The following CCDC85A variants were observed in gnomAD, a reference collection of about 807,000 sequenced individuals.
The protein encoded by CCDC85A is coiled-coil domain containing 85A.
Under a neutral mutation model 50.2 loss-of-function variants are expected in CCDC85A, and 38 were observed. That is an observed-to-expected ratio of 0.76 (90% CI 0.58 to 0.99). The LOEUF (loss-of-function observed/expected upper bound fraction) is 0.99. CCDC85A is among the 50% of genes least tolerant of loss of function. CCDC85A has a pLI of 0.00. For missense variants in CCDC85A, 820 were observed against 742.0 expected, an observed-to-expected ratio of 1.11 and a Z score of -1.22; for synonymous variants, 366 against 301.4, an observed-to-expected ratio of 1.21 and a Z score of -2.22.
chr2:56,314,406 G>T (rs1672828567), intron 2 of CCDC85A, among the ~76,000 whole-genome samples: 1 of 151,968 alleles, frequency 6.6e-6, no homozygotes, highest in Admixed American at 6.6e-5. Flanking sequence ...TCTGTGGAAT[G>T]AGAAGGGTGG....
At chr2:56,379,738 C>G in intron 5 of CCDC85A, 2 of 959,942 alleles carry the variant, frequency 2.1e-6, no homozygotes, top group Non-Finnish European at 2.5e-6. Flanking sequence ...TTTTCTTTTT[C>G]AACAAATCCA....
intron 3 of CCDC85A, among the ~76,000 whole-genome samples, chr2:56,357,886 C>G (rs1043631491): frequency 6.6e-6 from 1 of 152,130 alleles, no homozygotes; most frequent in Non-Finnish European, 1.5e-5. Flanking sequence ...GTCTCAAGCA[C>G]TAACCACATC....
At chr2:56,300,037 T>A (rs536969971) in intron 2 of CCDC85A, among the ~76,000 whole-genome samples, 2 of 152,266 alleles carry the variant, frequency 1.3e-5, no homozygotes, top group African/African-American at 4.8e-5. Flanking sequence ...CGGTGTATGC[T>A]AGCAGTGGCC....
intron 2 of CCDC85A, among the ~76,000 whole-genome samples, chr2:56,334,452 A>G (rs1041302334): frequency 5.3e-5 from 8 of 152,250 alleles, no homozygotes; most frequent in Non-Finnish European, 7.3e-5. Context: ...AAACAACACT[A>G]TGAGAAATAG....
At chr2:56,239,797 TG>T (rs1277799019) in intron 2 of CCDC85A, among the ~76,000 whole-genome samples, 1 of 152,172 alleles carries the variant, frequency 6.6e-6, no homozygotes, top group Admixed American at 6.5e-5. Context: ...GGAGAGATGA[TG>T]TGATAATTTT....
chr2:56,184,875 A>G lies in CCDC85A; in HGVS notation c.251A>G (p.His84Arg). ...GAGGTGAACCGCCGCCTGCAGCTGC[A>G]CCTCGGCGAGATCCGCGGCCTCAAG... is the stretch of plus-strand genomic sequence containing the variant. ...IREVNRRLQL[H>R]LGEIRGLKDI... The change falls in exon 1 of 6, where the codon CAC (histidine) becomes CGC (arginine). Residue 84 changes from histidine (H) to arginine (R), a missense_variant. Transcript: ENST00000407595. 7.9e-6 allele frequency: 12 copies of G among 1,526,630 alleles called. No individual in the cohort carries two copies. Among genetic ancestry groups the G allele is most frequent in the Non-Finnish European group, 1.1e-5 (12 of 1,140,182 alleles). The allele number at this position is 1,526,630 out of a possible 1,614,324, so 94.6% of individuals were successfully genotyped here.
At chr2:56,216,127 A>G (rs1298435752) in intron 2 of CCDC85A, among the ~76,000 whole-genome samples, 1 of 151,880 alleles carries the variant, frequency 6.6e-6, no homozygotes, top group South Asian at 2.1e-4. Context: ...GCTATATAGT[A>G]TCCCATTGGA....
chr2:56,286,063 T>A (rs1671431573), intron 2 of CCDC85A, among the ~76,000 whole-genome samples: 1 of 151,886 alleles, frequency 6.6e-6, no homozygotes, highest in Admixed American at 6.6e-5. Flanking sequence ...GGGTCCATTA[T>A]TTCTGATGAG....
At chr2:56,257,077 A>G (rs575980564) in intron 2 of CCDC85A, among the ~76,000 whole-genome samples, 9 of 152,322 alleles carry the variant, frequency 5.9e-5, no homozygotes, top group Admixed American at 2.6e-4. Context: ...GGCTCAGTGT[A>G]TGATAGACCT....
At chr2:56,366,708 G>T (rs1281236019) in intron 3 of CCDC85A, among the ~76,000 whole-genome samples, 1 of 152,076 alleles carries the variant, frequency 6.6e-6, no homozygotes, top group Non-Finnish European at 1.5e-5. Context: ...CAGCACTTAG[G>T]GTAGTGCTAA....
intron 2 of CCDC85A, among the ~76,000 whole-genome samples, chr2:56,259,826 C>A (rs1670144788): frequency 6.6e-6 from 1 of 152,186 alleles, no homozygotes. Flanking sequence ...CTGATGATGA[C>A]ACATGTCAGA....
At chr2:56,327,011 C>G (rs922478350) in intron 2 of CCDC85A, among the ~76,000 whole-genome samples, 1 of 152,092 alleles carries the variant, frequency 6.6e-6, no homozygotes, top group Non-Finnish European at 1.5e-5. Flanking sequence ...GCATCTATCA[C>G]ATGGATGTGC....
intron 2 of CCDC85A, among the ~76,000 whole-genome samples, chr2:56,231,927 A>C (rs1668790541): frequency 6.6e-6 from 1 of 151,990 alleles, no homozygotes; most frequent in Admixed American, 6.6e-5. Flanking sequence ...TTGGACAGGG[A>C]TGGCCATTCT....
At chr2:56,210,093 G>A (rs1573028782) in intron 2 of CCDC85A, among the ~76,000 whole-genome samples, 1 of 152,054 alleles carries the variant, frequency 6.6e-6, no homozygotes, top group Admixed American at 6.6e-5. Context: ...CCTGTGTGGT[G>A]CAGAGTAGTA....
intron 2 of CCDC85A, among the ~76,000 whole-genome samples, chr2:56,310,209 G>C (rs746448636): frequency 6.6e-6 from 1 of 152,126 alleles, no homozygotes; most frequent in Non-Finnish European, 1.5e-5. Flanking sequence ...TGTCATGACC[G>C]TGTTGACTGA....
chr2:56,224,075 C>G (rs1668444133), intron 2 of CCDC85A, among the ~76,000 whole-genome samples: 1 of 152,114 alleles, frequency 6.6e-6, no homozygotes, highest in African/African-American at 2.4e-5. Flanking sequence ...TTTATCTCCC[C>G]AAAATATCAT....
In CCDC85A at chr2:56,193,212, C is replaced by T. The variant is rs781523317; in HGVS notation, c.1012C>T (p.His338Tyr). Residue 338 changes from histidine to tyrosine, a missense_variant, in exon 2 of 6, where the codon CAT becomes TAT. By Grantham distance (83) the His-to-Tyr change is moderately conservative (BLOSUM62 2). Coordinates refer to ENST00000407595, the MANE Select transcript of CCDC85A (RefSeq NM_001080433.2). ...HARHSGGSPEHLQKHALGGSL... is the reference protein window; with the variant it reads ...HARHSGGSPEYLQKHALGGSL... Reference sequence around the variant, plus strand: ...CAGGCACAGTGGAGGGAGCCCGGAGCATCTTCAGAAACACGCTCTTGGGGG... The same window carrying T: ...CAGGCACAGTGGAGGGAGCCCGGAGTATCTTCAGAAACACGCTCTTGGGGG... 1.2e-6 allele frequency: 2 copies of T among 1,613,636 alleles called. No homozygotes were observed. Among genetic ancestry groups the T allele is most frequent in the South Asian group, 1.1e-5 (1 of 91,074 alleles).
intron 2 of CCDC85A, among the ~76,000 whole-genome samples, chr2:56,197,482 T>C (rs1372370010): frequency 2.0e-5 from 3 of 152,178 alleles, no homozygotes; most frequent in African/African-American, 7.2e-5. Context: ...GAAAAAATAC[T>C]GGTGGCTGAG....
chr2:56,187,208 G>C (rs879585403), intron 1 of CCDC85A, among the ~76,000 whole-genome samples: 3 of 152,088 alleles, frequency 2.0e-5, no homozygotes, highest in Admixed American at 2.0e-4. Context: ...TTTGTTAAGG[G>C]CGTGGGGGAG....
Sources: allele counts gnomAD v4.1 joint callset (sites outside exome capture counted in the v4.1 genomes callset), GRCh38; gene constraint gnomAD v4.1.1; transcripts MANE v1.5; gene names NCBI Gene and HGNC (gene_info 2026-07-23, HGNC 2026-07-21).